Variants in UBE4B observed in about 807,000 individuals in gnomAD.
UBE4B encodes the protein ubiquitination factor E4B.
A neutral mutation model predicts 148.1 loss-of-function variants in UBE4B; 27 were observed. That is an observed-to-expected ratio of 0.18 (90% CI 0.13 to 0.25). UBE4B has a LOEUF of 0.25. Ranked by LOEUF, UBE4B falls within the 10% of genes least tolerant of loss-of-function variation. The probability of loss-of-function intolerance (pLI) is 1.00; values close to 1 mark genes in which losing one functional copy is unlikely to be tolerated. For synonymous variants in UBE4B, 596 were observed against 619.3 expected (o/e 0.96, Z 0.56); for missense variants, 1,170 against 1,662.4 (o/e 0.70, Z 5.15).
rs1041697970 is a variant in UBE4B, at chr1:10,106,954, C to T, written c.1196+371C>T. Among the ~76,000 whole-genome samples, 1 of 151,970 alleles carries T rather than the reference C, an allele frequency of 6.6e-6. No individual in the cohort carries two copies. The highest frequency in any genetic ancestry group is 6.6e-5 in the Admixed American group (1 of 15,234). On this transcript the variant is annotated intron_variant, in intron 7 of 27. Coordinates refer to ENST00000343090, the MANE Select transcript of UBE4B (RefSeq NM_001105562.3). This position sits in a 1 kb window ranked among gnomAD's most constrained non-coding sequence, Gnocchi z 4.2. ...TTTACTTCTGGTGAGTGGGGTGGGT[C>T]GGTTCATGTCCTGACGTGTTGAGTT... is the stretch of plus-strand genomic sequence containing the variant.
intron 2 of UBE4B, chr1:10,072,490 C>CTGAATTTGGTTCTGCTGATTTTA (rs1644504809): frequency 2.8e-6 from 2 of 709,972 alleles, no homozygotes; most frequent in Non-Finnish European, 5.2e-6. Context: ...ATGATTAAGA[C>CTGAATTTGGTTCTGCTGATTTTA]TGAATTTGGT....
chr1:10,055,646 G>T (rs920696650), intron 1 of UBE4B, among the ~76,000 whole-genome samples: 4 of 152,166 alleles, frequency 2.6e-5, no homozygotes, highest in Admixed American at 2.6e-4. Flanking sequence ...CTGGCCAGGC[G>T]CAGTGGCTCA....
chr1:10,068,878 C>T (rs930812940), intron 1 of UBE4B, among the ~76,000 whole-genome samples: 2 of 152,224 alleles, frequency 1.3e-5, no homozygotes, highest in African/African-American at 2.4e-5. Flanking sequence ...CAGCCCAGAA[C>T]GCTGCCCCCT....
At position 10,178,756 on chromosome 1, in the gene UBE4B, A is replaced by C. The variant is rs767467963; in HGVS notation, c.3638A>C (p.Glu1213Ala). Residue 1213 changes from glutamate to alanine, a missense_variant, in exon 26 of 28, where the codon GAG becomes GCG. This residue lies in a region of UBE4B where 348 missense variants were observed against 627.2 expected (regional missense o/e 0.55). Coordinates refer to ENST00000343090, the MANE Select transcript of UBE4B (RefSeq NM_001105562.3). ...KFKLLAEKVE[E>A]IVAKNARAEI... ...AAGCTGCTCGCCGAGAAAGTGGAGG[A>C]GATAGTGGCCAAGAACGCACGCGCA... 38 of 1,613,834 alleles carry C rather than the reference A, an allele frequency of 2.4e-5. No homozygotes were observed. Among genetic ancestry groups the C allele is most frequent in the Admixed American group, 3.3e-5 (2 of 59,942 alleles).
At chr1:10,063,379 TCTC>T (rs938115190) in intron 1 of UBE4B, among the ~76,000 whole-genome samples, 10 of 152,190 alleles carry the variant, frequency 6.6e-5, no homozygotes, top group Admixed American at 3.9e-4. Context: ...CTTCTTAAAA[TCTC>T]CTTCTGTATT....
chr1:10,108,621 G>C (rs1291116611), intron 7 of UBE4B, among the ~76,000 whole-genome samples: 1 of 152,200 alleles, frequency 6.6e-6, no homozygotes, highest in Non-Finnish European at 1.5e-5. Context: ...AGAGACTGCA[G>C]TAGGAGTTAG....
chr1:10,146,976 G>A lies in UBE4B; in HGVS notation c.2477G>A (p.Cys826Tyr), dbSNP rs1453171433. The part of the protein sequence containing the change: ...CKTQLKKLVR[C>Y]KACADAGLLD... ...CTGCTTCCACAGAAACTGGTACGGTGCAAGGCCTGTGCTGATGCTGGCCTA... is the reference window on the plus strand; with the variant it reads ...CTGCTTCCACAGAAACTGGTACGGTACAAGGCCTGTGCTGATGCTGGCCTA... Residue 826 changes from cysteine to tyrosine, a missense_variant, in exon 19 of 28, where the codon TGC becomes TAC. This residue lies in a region of UBE4B where 348 missense variants were observed against 627.2 expected (regional missense o/e 0.55). Transcript: ENST00000343090. 6.2e-7 allele frequency: 1 copy of A among 1,614,032 alleles called. No homozygotes were observed. Among genetic ancestry groups the A allele is most frequent in the South Asian group, 1.1e-5 (1 of 91,074 alleles).
At chr1:10,074,345 C>CTT (rs36052900) in intron 2 of UBE4B, among the ~76,000 whole-genome samples, 27 of 146,750 alleles carry the variant, frequency 1.8e-4, no homozygotes, top group African/African-American at 5.0e-4. Context: ...CTCATATGGC[C>CTT]TTTTTTTTTT....
chr1:10,178,583 C>T, intron 25 of UBE4B, 61 bp from the exon 26 acceptor site: 1 of 1,489,190 alleles, frequency 6.7e-7, no homozygotes, highest in South Asian at 1.4e-5. Flanking sequence ...ATATTTTCTG[C>T]AGCTCGCTTT....
intron 1 of UBE4B, among the ~76,000 whole-genome samples, chr1:10,042,543 A>C (rs968135727): frequency 2.0e-5 from 3 of 152,182 alleles, no homozygotes; most frequent in African/African-American, 7.2e-5. Context: ...GCAACTCAGG[A>C]GGCTGAGGCA....
In UBE4B at chr1:10,171,224, C is replaced by A. The variant is rs776476371; in HGVS notation, c.3420C>A (p.Asn1140Lys). Residue 1140 changes from asparagine to lysine, a missense_variant, in exon 25 of 28, where the codon AAC becomes AAA. By Grantham distance (94) the Asn-to-Lys change is moderately conservative. Coordinates refer to ENST00000343090, the MANE Select transcript of UBE4B (RefSeq NM_001105562.3). ...GPKCRDLKVE[N>K]PEKYGFEPKK... ...AGTGCCGTGACCTGAAAGTTGAAAA[C>A]CCTGAGAAATACGGCTTTGAACCAA... 4.3e-6 allele frequency: 7 copies of A among 1,614,070 alleles called. No individual in the cohort carries two copies. The African/African-American group carries it at 9.3e-5, about 22-fold the overall frequency.
intron 21 of UBE4B, among the ~76,000 whole-genome samples, chr1:10,154,699 G>T (rs1355483879): frequency 1.3e-5 from 2 of 152,036 alleles, no homozygotes; most frequent in Admixed American, 1.3e-4. Context: ...AAATTTAGCT[G>T]GGCGTAGTGG....
intron 26 of UBE4B, chr1:10,179,182 T>G: frequency 1.8e-6 from 1 of 553,622 alleles, no homozygotes. Flanking sequence ...GTCCCAGGCT[T>G]TCTTCTCTGT....
chr1:10,080,410 C>T (rs1433736568), intron 2 of UBE4B, among the ~76,000 whole-genome samples: 12 of 148,544 alleles, frequency 8.1e-5, no homozygotes, highest in Admixed American at 4.0e-4. Flanking sequence ...GAGTGAGAAT[C>T]CATCTCAAAA....
At chr1:10,154,326 G>A (rs544743688) in intron 21 of UBE4B, among the ~76,000 whole-genome samples, 1 of 152,238 alleles carries the variant, frequency 6.6e-6, no homozygotes, top group Admixed American at 6.5e-5. Flanking sequence ...GCTGAGGCAG[G>A]AGAATAGCTT....
chr1:10,070,442 TA>T (rs70998345), intron 1 of UBE4B, among the ~76,000 whole-genome samples: 32,017 of 131,532 alleles, frequency 0.24, 4,360 homozygotes, highest in Non-Finnish European at 0.35. Context: ...CAGTTAAAAT[TA>T]AAAAAAAAAA....
intron 15 of UBE4B, 143 bp downstream of exon 15, chr1:10,132,625 CA>C: frequency 1.6e-6 from 1 of 630,230 alleles, no homozygotes; most frequent in Non-Finnish European, 2.8e-6. Flanking sequence ...TTGTGGAGCC[CA>C]TGTTCCACAG....
intron 22 of UBE4B, among the ~76,000 whole-genome samples, chr1:10,160,663 CA>C (rs1646145671): frequency 6.6e-6 from 1 of 152,108 alleles, no homozygotes; most frequent in South Asian, 2.1e-4. Context: ...TAACAAAATC[CA>C]GGCCAGGTGT....
At chr1:10,097,718 G>T (rs1186375144) in intron 3 of UBE4B, among the ~76,000 whole-genome samples, 1 of 152,134 alleles carries the variant, frequency 6.6e-6, no homozygotes, top group African/African-American at 2.4e-5. Context: ...GCTGAGGCAG[G>T]AGAGTCGCTT....
Sources: allele counts gnomAD v4.1 joint callset (sites outside exome capture counted in the v4.1 genomes callset), GRCh38; gene constraint gnomAD v4.1.1; regional missense constraint gnomAD v4.1.1; non-coding constraint Gnocchi (gnomAD v3.1); transcripts MANE v1.5; gene names NCBI Gene and HGNC (gene_info 2026-07-23, HGNC 2026-07-21).